ATP13A5: variants seen among roughly 807,000 people sequenced by gnomAD.
ATP13A5 encodes the protein probable cation-transporting ATPase 13A5.
In ATP13A5, 149 loss-of-function variants were observed where a neutral mutation model predicts 150.2. The observed-to-expected ratio is 0.99, with a 90% CI of 0.87 to 1.14. The LOEUF (loss-of-function observed/expected upper bound fraction) is 1.14, where lower values mean the gene tolerates loss of function less well. ATP13A5 is among the 50% of genes most tolerant of loss of function. ATP13A5 has a pLI of 0.00. For synonymous variants in ATP13A5, 497 were observed against 522.2 expected (o/e 0.95, Z 0.66); for missense variants, 1,383 against 1,449.3 (o/e 0.95, Z 0.74).
intron 9 of ATP13A5, among the ~76,000 whole-genome samples, chr3:193,337,664 T>C (rs951737423): frequency 9.2e-5 from 14 of 152,232 alleles, no homozygotes; most frequent in Non-Finnish European, 1.8e-4. Flanking sequence ...TCAGGTAGCA[T>C]GATGCCTCCA....
Position 193,376,310 on chromosome 3 carries a change from C to A in ATP13A5, c.63+2353G>T, listed in dbSNP as rs762672991. ...TCTGATGAGGACCCTCCTTCTGGTG[C>A]ATAGACTGCCATCTTTTCTCTGTGC... is the stretch of plus-strand genomic sequence containing the variant. On this transcript the variant is annotated intron_variant, in intron 1 of 29. Coordinates refer to ENST00000342358, the MANE Select transcript of ATP13A5 (RefSeq NM_198505.4). Among the ~76,000 whole-genome samples the A allele has an allele frequency of 3.6e-4, 55 of 152,302 alleles. 1 individual carries two copies. The highest frequency in any genetic ancestry group is 5.4e-4 in the Non-Finnish European group (37 of 68,040).
At chr3:193,305,471 A>G in intron 23 of ATP13A5, 88 bp downstream of exon 23, 2 of 1,055,550 alleles carry the variant, frequency 1.9e-6, no homozygotes, top group Admixed American at 1.7e-5. Context: ...TGCAGCATTT[A>G]TCACTTTAGC....
chr3:193,304,416 C>G (rs574529007), intron 23 of ATP13A5, among the ~76,000 whole-genome samples: 1 of 152,240 alleles, frequency 6.6e-6, no homozygotes, highest in South Asian at 2.1e-4. Flanking sequence ...GAATTTTAGA[C>G]CTGCTACCTT....
chr3:193,352,012 A>G (rs1355634919), intron 6 of ATP13A5, among the ~76,000 whole-genome samples: 1 of 152,248 alleles, frequency 6.6e-6, no homozygotes, highest in African/African-American at 2.4e-5. Context: ...TAAAGAGCCC[A>G]TCAGAGCAAA....
At chr3:193,372,288 CAAAAAA>C (rs749907136) in intron 1 of ATP13A5, 4 of 41,510 alleles carry the variant, frequency 9.6e-5, no homozygotes, top group Non-Finnish European at 1.7e-4. Context: ...GACTCCACCT[CAAAAAA>C]AAAAAAAAAA....
chr3:193,348,154 G>A (rs1275904514), intron 7 of ATP13A5, among the ~76,000 whole-genome samples: 1 of 152,160 alleles, frequency 6.6e-6, no homozygotes, highest in East Asian at 1.9e-4. Flanking sequence ...AACTAGCTAG[G>A]AGAAGGCAAA....
At chr3:193,333,971 G>T (rs779275383) in intron 10 of ATP13A5, 64 bp from the exon 11 acceptor site, 175 of 1,502,434 alleles carry the variant, frequency 1.2e-4, no homozygotes, top group Non-Finnish European at 1.5e-4. Context: ...CCTAAAAATG[G>T]CTTTACTGTC....
intron 21 of ATP13A5, 180 bp from the exon 22 acceptor site, chr3:193,307,549 T>G: frequency 1.4e-6 from 1 of 705,844 alleles, no homozygotes; most frequent in Non-Finnish European, 2.4e-6. Flanking sequence ...GAAAAGGCAG[T>G]TGCGTTATTT....
chr3:193,362,921 A>T (rs1385299446), intron 3 of ATP13A5, among the ~76,000 whole-genome samples: 1 of 151,984 alleles, frequency 6.6e-6, no homozygotes, highest in African/African-American at 2.4e-5. Context: ...CAACCTCCTG[A>T]GTAGCTGGGA....
chr3:193,287,011 C>T (rs1230496660), intron 26 of ATP13A5, among the ~76,000 whole-genome samples: 2 of 152,050 alleles, frequency 1.3e-5, no homozygotes, highest in Non-Finnish European at 2.9e-5. Context: ...TGGATCAAAC[C>T]AGTCACAACA....
chr3:193,369,267 GA>G (rs1451860862), intron 1 of ATP13A5, among the ~76,000 whole-genome samples: 6 of 151,882 alleles, frequency 4.0e-5, no homozygotes, highest in Non-Finnish European at 8.8e-5. Flanking sequence ...AAAATATATA[GA>G]AATGAATTTT....
At chr3:193,353,943 G>C (rs930163484) in intron 6 of ATP13A5, among the ~76,000 whole-genome samples, 184 bp downstream of exon 6, 1 of 151,658 alleles carries the variant, frequency 6.6e-6, no homozygotes, top group African/African-American at 2.4e-5. Flanking sequence ...TATGAGGCAG[G>C]AATCTGTCTC....
rs1465915151 is a variant in ATP13A5 at position 193,319,011 on chromosome 3, T to A, written c.2013A>T (p.Ser671=). Reference sequence around the variant, plus strand: ...CTTACCTGGCTAAGTGCTCGACTTCTGAAAGATTCCCCATCTTTAAGGTTT... The same window carrying A: ...CTTACCTGGCTAAGTGCTCGACTTCAGAAAGATTCCCCATCTTTAAGGTTT... The part of the protein sequence containing the change: ...AHKTLKMGNL[S]EVEHLAREKV... Residue 671 remains serine (S), a synonymous_variant, in exon 17 of 30, where the codon TCA becomes TCT. Coordinates refer to ENST00000342358, the MANE Select transcript of ATP13A5 (RefSeq NM_198505.4). 2 of 1,613,732 alleles carry A rather than the reference T, an allele frequency of 1.2e-6. No homozygotes were observed. Among genetic ancestry groups the A allele is most frequent in the African/African-American group, 2.7e-5 (2 of 74,914 alleles).
At chr3:193,281,706 C>T (rs1241224287) in intron 27 of ATP13A5, among the ~76,000 whole-genome samples, 1 of 152,016 alleles carries the variant, frequency 6.6e-6, no homozygotes, top group Admixed American at 6.6e-5. Flanking sequence ...TGACTTATAA[C>T]CTGAGAGTAT....
rs200255855 is a variant in ATP13A5, at chr3:193,324,927, G to A, written c.1611C>T (p.Ile537=). The stretch of plus-strand genomic sequence containing the variant: ...CTCCCTGGATGGTCCCATTGAGAAG[G>A]ATCAGAGAGTGGCAGCTGGCCATGG... ...CAAMASCHSL[I]LLNGTIQGDP... The change falls in exon 14 of 30, where the codon ATC becomes ATT. Residue 537 remains isoleucine, a synonymous_variant. Transcript: ENST00000342358. The A allele has an allele frequency of 3.1e-5, 50 of 1,614,042 alleles. No individual in the cohort carries two copies. Among genetic ancestry groups the A allele is most frequent in the Admixed American group, 1.7e-5 (1 of 60,004 alleles).
chr3:193,289,790 A>C, intron 26 of ATP13A5, 95 bp downstream of exon 26: 5 of 1,224,910 alleles, frequency 4.1e-6, no homozygotes, highest in Non-Finnish European at 5.6e-6. Context: ...TGATTAATTA[A>C]AAGTTTTAGG....
chr3:193,321,574 T>C, intron 16 of ATP13A5, 107 bp downstream of exon 16: 3 of 1,250,696 alleles, frequency 2.4e-6, no homozygotes, highest in Non-Finnish European at 3.3e-6. Context: ...GAGGCTACAG[T>C]GAGCTGAGAT....
In ATP13A5 at chr3:193,301,321, A is replaced by T. The variant is rs772695689; in HGVS notation, c.2679-14T>A. On this transcript the variant is annotated splice_polypyrimidine_tract_variant and intron_variant, in intron 23 of 29. Transcript: ENST00000342358. ...GCTCGGCCTTCTCTGTTTAAAAAGAAATAAAAATAAAAATTGGTTATGTAT... is the reference window on the plus strand; with the variant it reads ...GCTCGGCCTTCTCTGTTTAAAAAGATATAAAAATAAAAATTGGTTATGTAT... 3 of 1,590,104 alleles carry T rather than the reference A, an allele frequency of 1.9e-6. No homozygotes were observed. The highest frequency in any genetic ancestry group is 2.6e-6 in the Non-Finnish European group (3 of 1,167,926).
At chr3:193,285,180 A>C in intron 26 of ATP13A5, 64 bp from the exon 27 acceptor site, 1 of 1,374,836 alleles carries the variant, frequency 7.3e-7, no homozygotes, top group Non-Finnish European at 1.0e-6. Context: ...AGGTGAAAAA[A>C]AAAATAATTT....
Sources: allele counts gnomAD v4.1 joint callset (sites outside exome capture counted in the v4.1 genomes callset), GRCh38; gene constraint gnomAD v4.1.1; transcripts MANE v1.5; gene names NCBI Gene and HGNC (gene_info 2026-07-23, HGNC 2026-07-21).